The following UACA variants were observed in gnomAD, a reference collection of about 807,000 sequenced individuals.
The protein encoded by UACA is uveal autoantigen with coiled-coil domains and ankyrin repeats.
Under a neutral mutation model 160.5 loss-of-function variants are expected in UACA, and 112 were observed. That is an observed-to-expected ratio of 0.70 (90% CI 0.60 to 0.82). The LOEUF is 0.82. UACA is among the 40% of genes least tolerant of loss of function. UACA has a pLI of 0.00. For missense variants in UACA, 1,574 were observed against 1,614.6 expected, an observed-to-expected ratio of 0.97 and a Z score of 0.43; for synonymous variants, 557 against 568.4, an observed-to-expected ratio of 0.98 and a Z score of 0.29.
rs778530154 is a variant in UACA, at chr15:70,667,771, C to A, written c.2913G>T (p.Lys971Asn). ...ATTCTTGTATTGTGTCGAGCTCCTT[C>A]TTCTGGGCTTTAATTTCGGCATGCA... ...VTLHAEIKAQ[K>N]KELDTIQECI... is the part of the protein sequence containing the mutation. Residue 971 changes from lysine to asparagine, a missense_variant, in exon 16 of 19, where the codon AAG becomes AAT. Coordinates refer to ENST00000322954, the MANE Select transcript of UACA (RefSeq NM_018003.4). 7 of 1,614,082 alleles carry A rather than the reference C, an allele frequency of 4.3e-6. No homozygotes were observed. The South Asian group carries it at 5.5e-5, about 13-fold the overall frequency.
At chr15:70,711,793 T>G (rs1898688953) in intron 1 of UACA, among the ~76,000 whole-genome samples, 1 of 151,988 alleles carries the variant, frequency 6.6e-6, no homozygotes, top group Non-Finnish European at 1.5e-5. Context: ...ACCACAATAA[T>G]TATGTGTGAA....
rs760014936 is a variant in UACA at position 70,666,858 on chromosome 15, C to G, written c.3826G>C (p.Glu1276Gln). The G allele has an allele frequency of 1.2e-6, 2 of 1,613,894 alleles. No homozygotes were observed. Among genetic ancestry groups the G allele is most frequent in the Non-Finnish European group, 1.7e-6 (2 of 1,179,938 alleles). The change falls in exon 16 of 19, where the codon GAA (glutamate) becomes CAA (glutamine). Residue 1276 changes from glutamate (E) to glutamine (Q), a missense_variant. By Grantham distance (29) the Glu-to-Gln change is conservative. Transcript: ENST00000322954. ...KKEISAKDEK[E>Q]LLHFSIEQEI... The stretch of plus-strand genomic sequence containing the variant: ...TGCTCAATGCTGAAATGCAGTAATT[C>G]CTTCTCATCTTTTGCAGATATTTCC...
At chr15:70,665,027 C>A in intron 16 of UACA, 2 of 396,738 alleles carry the variant, frequency 5.0e-6, no homozygotes, top group South Asian at 5.4e-5. Flanking sequence ...AAAAGCAATA[C>A]CAAATTAAGA....
At chr15:70,676,247 T>C (rs1302943163) in intron 13 of UACA, 1 of 327,840 alleles carries the variant, frequency 3.1e-6, no homozygotes, top group Non-Finnish European at 5.6e-6. Flanking sequence ...GAAGAGAAAC[T>C]AGAATGACAC....
chr15:70,666,174 C>T (rs1896896313), intron 16 of UACA, among the ~76,000 whole-genome samples: 1 of 152,100 alleles, frequency 6.6e-6, no homozygotes, highest in African/African-American at 2.4e-5. Flanking sequence ...ACAGTGAGGG[C>T]TTTAAGAAGG....
intron 1 of UACA, among the ~76,000 whole-genome samples, chr15:70,714,512 T>G (rs974343819): frequency 1.3e-5 from 2 of 148,912 alleles, no homozygotes; most frequent in East Asian, 3.8e-4. Flanking sequence ...AAAGGGAAAA[T>G]TATATCCTAT....
At chr15:70,723,345 C>T (rs1899047515) in intron 1 of UACA, among the ~76,000 whole-genome samples, 1 of 152,142 alleles carries the variant, frequency 6.6e-6, no homozygotes, top group Non-Finnish European at 1.5e-5. Flanking sequence ...ATTAGCCAGG[C>T]GTGGTGGTAC....
intron 17 of UACA, among the ~76,000 whole-genome samples, chr15:70,662,930 A>G (rs982109442): frequency 4.1e-4 from 63 of 151,882 alleles, no homozygotes; most frequent in African/African-American, 1.5e-3. Flanking sequence ...CCTAGGCAAT[A>G]CCATTCAGGA....
chr15:70,769,229 C>T, the UACA span, among the ~76,000 whole-genome samples: 3 of 150,284 alleles, frequency 2.0e-5, no homozygotes, highest in Non-Finnish European at 4.4e-5. Flanking sequence ...GTGATAGCTA[C>T]TCAGGAGGCT....
At position 70,677,140 on chromosome 15, in the gene UACA, C is replaced by T. The variant is rs1402782957; in HGVS notation, c.1000G>A (p.Glu334Lys). 10 of 1,600,278 alleles carry T rather than the reference C, an allele frequency of 6.2e-6. No individual in the cohort carries two copies. Among genetic ancestry groups the T allele is most frequent in the Non-Finnish European group, 7.7e-6 (9 of 1,172,578 alleles). The change falls in exon 12 of 19, where the codon GAA becomes AAA. Residue 334 changes from glutamate (E) to lysine (K), a missense_variant and splice_region_variant. Glu to Lys is a moderately conservative substitution (Grantham distance 56). Transcript: ENST00000322954. The part of the protein sequence containing the change: ...VNGLQLQLNE[E>K]VMVADDLESE... ...TCCAGATCATCAGCAACCATAACTT[C>T]CTAAATTTAAAAAGAACACAAAATA...
At chr15:70,776,423 G>GTT in the UACA span, among the ~76,000 whole-genome samples, 1 of 139,248 alleles carries the variant, frequency 7.2e-6, no homozygotes, top group South Asian at 2.2e-4. Flanking sequence ...TCCCTCAAAT[G>GTT]TCTTTTTTTT....
intron 1 of UACA, among the ~76,000 whole-genome samples, chr15:70,752,729 G>T (rs920567641): frequency 9.9e-5 from 15 of 151,906 alleles, no homozygotes; most frequent in Non-Finnish European, 1.2e-4. Flanking sequence ...TATAAATATG[G>T]TCAATATTAA....
At position 70,687,741 on chromosome 15, in the gene UACA, C is replaced by T. The variant is rs766683307; in HGVS notation, c.495+9G>A. On this transcript the variant is annotated intron_variant, in intron 6 of 18. Transcript: ENST00000322954. ...GAGTTGAAATGAGAATAAACATAAA[C>T]TAACTTACTACATCTTTGGCATTCA... 1.9e-6 allele frequency: 3 copies of T among 1,613,566 alleles called. No homozygotes were observed.
chr15:70,699,607 C>G lies in UACA; in HGVS notation c.132G>C (p.Arg44Ser). 6.2e-7 allele frequency: 1 copy of G among 1,611,446 alleles called. No individual in the cohort carries two copies. Among genetic ancestry groups the G allele is most frequent in the South Asian group, 1.1e-5 (1 of 90,850 alleles). ...TTGAGGTCACTTTTTCTACATCCCC[C>G]CTTTCTGCTGCTTTCATCAATCGGT... ...YDDRLMKAAE[R>S]GDVEKVTSIL... The change falls in exon 2 of 19, where the codon AGG becomes AGC. Residue 44 changes from arginine to serine, a missense_variant. Arg to Ser is a moderately radical substitution (Grantham distance 110). Transcript: ENST00000322954.
At chr15:70,768,814 A>T in the UACA span, among the ~76,000 whole-genome samples, 1 of 152,168 alleles carries the variant, frequency 6.6e-6, no homozygotes, top group South Asian at 2.1e-4. Context: ...CTTGATTTTA[A>T]ACTTAAAATA....
chr15:70,773,340 A>T, the UACA span, among the ~76,000 whole-genome samples: 1 of 152,206 alleles, frequency 6.6e-6, no homozygotes. Context: ...TGGAGAGACA[A>T]TGGGAGGTGA....
intron 1 of UACA, among the ~76,000 whole-genome samples, chr15:70,704,633 A>C (rs756438374): frequency 2.0e-5 from 3 of 152,234 alleles, no homozygotes; most frequent in African/African-American, 4.8e-5. Context: ...AAGGATAACA[A>C]TAGAGAACCT....
At chr15:70,692,775 A>G (rs1897985345) in intron 3 of UACA, among the ~76,000 whole-genome samples, 1 of 152,200 alleles carries the variant, frequency 6.6e-6, no homozygotes, top group African/African-American at 2.4e-5. Context: ...TCAGAAAAAA[A>G]CAAAAACAAA....
the UACA span, among the ~76,000 whole-genome samples, chr15:70,772,021 A>G: frequency 6.6e-6 from 1 of 152,192 alleles, no homozygotes; most frequent in Non-Finnish European, 1.5e-5. Context: ...TAAGTAGGGG[A>G]TGATGTGATC....
Sources: allele counts gnomAD v4.1 joint callset (sites outside exome capture counted in the v4.1 genomes callset), GRCh38; gene constraint gnomAD v4.1.1; transcripts MANE v1.5; gene names NCBI Gene and HGNC (gene_info 2026-07-23, HGNC 2026-07-21).